GPHN: variants seen among roughly 807,000 people sequenced by gnomAD.
GPHN encodes the protein gephyrin.
A neutral mutation model predicts 95.5 loss-of-function variants in GPHN; 17 were observed. That is an observed-to-expected ratio of 0.18 (90% CI 0.12 to 0.27). The LOEUF is 0.27. Ranked by LOEUF, GPHN falls within the 10% of genes least tolerant of loss-of-function variation. The probability of loss-of-function intolerance (pLI) is 1.00; values close to 1 mark genes in which losing one functional copy is unlikely to be tolerated. For synonymous variants in GPHN, 320 were observed against 322.5 expected, an observed-to-expected ratio of 0.99 and a Z score of 0.08; for missense variants, 660 against 978.1, an observed-to-expected ratio of 0.67 and a Z score of 4.34.
At chr14:67,532,617 C>T in the GPHN span, among the ~76,000 whole-genome samples, 1 of 152,286 alleles carries the variant, frequency 6.6e-6, no homozygotes, top group African/African-American at 2.4e-5. Flanking sequence ...GGCCTGGAGG[C>T]CCAGGCGGGA....
At chr14:67,725,069 C>T in the GPHN span, 10 of 1,613,604 alleles carry the variant, frequency 6.2e-6, no homozygotes, top group Admixed American at 1.2e-4. Flanking sequence ...AGGATATGAA[C>T]ATACTGCTCT....
chr14:66,929,484 C>G (rs1381539302), intron 8 of GPHN, among the ~76,000 whole-genome samples: 1 of 152,094 alleles, frequency 6.6e-6, no homozygotes, highest in African/African-American at 2.4e-5. Context: ...TTTTATATGT[C>G]TGGATGCTCT....
At chr14:67,621,423 C>T in the GPHN span, among the ~76,000 whole-genome samples, 4 of 151,870 alleles carry the variant, frequency 2.6e-5, no homozygotes, top group Non-Finnish European at 4.4e-5. Flanking sequence ...TTATATAGAA[C>T]TAATAGGCTT....
the GPHN span, among the ~76,000 whole-genome samples, chr14:67,466,636 C>T: frequency 3.3e-5 from 5 of 152,188 alleles, no homozygotes; most frequent in Non-Finnish European, 4.4e-5. Flanking sequence ...TTCCTTTGTT[C>T]GGCACTGTAC....
At chr14:67,340,832 C>G in the GPHN span, among the ~76,000 whole-genome samples, 1 of 152,226 alleles carries the variant, frequency 6.6e-6, no homozygotes, top group East Asian at 1.9e-4. Flanking sequence ...TGCCGCCACG[C>G]CTGACTGGTT....
At chr14:66,738,484 A>T (rs980516006) in intron 2 of GPHN, among the ~76,000 whole-genome samples, 1 of 152,202 alleles carries the variant, frequency 6.6e-6, no homozygotes, top group African/African-American at 2.4e-5. Context: ...TGAAAAATGG[A>T]AATACTTTAA....
intron 4 of GPHN, among the ~76,000 whole-genome samples, chr14:66,844,462 A>G (rs988208683): frequency 6.6e-6 from 1 of 152,120 alleles, no homozygotes; most frequent in South Asian, 2.1e-4. Flanking sequence ...GTATGTGTGC[A>G]TGCATATGTG....
rs1379719209 is a variant in GPHN, at chr14:67,089,037, C to T, written c.1199C>T (p.Pro400Leu). ...QDVYAKDNLP[P>L]FPASVKDGYA... ...GTATATGCAAAAGACAATTTACCCC[C>T]CTTCCCAGCATCAGTAAAAGATGGC... Residue 400 changes from proline to leucine, a missense_variant, in exon 12 of 23, where the codon CCC (proline) becomes CTC (leucine). Transcript: ENST00000478722. 2 of 1,604,546 alleles carry T rather than the reference C, an allele frequency of 1.2e-6. No homozygotes were observed. Among genetic ancestry groups the T allele is most frequent in the Non-Finnish European group, 8.5e-7 (1 of 1,171,392 alleles).
intron 1 of GPHN, among the ~76,000 whole-genome samples, chr14:66,545,953 TGACGC>T (rs1375171589): frequency 2.8e-5 from 4 of 143,950 alleles, no homozygotes; most frequent in Non-Finnish European, 6.1e-5. Flanking sequence ...TGCCGGGCGG[TGACGC>T]TCCTCACTTC....
intron 12 of GPHN, 66 bp downstream of exon 12, chr14:67,089,141 T>A (rs1326233270): frequency 2.5e-6 from 1 of 393,248 alleles, no homozygotes; most frequent in Non-Finnish European, 3.9e-6. Context: ...TTCTTTTTTT[T>A]TTTTTTTTTT....
chr14:67,217,123 AC>A, the GPHN span, among the ~76,000 whole-genome samples: 1 of 151,622 alleles, frequency 6.6e-6, no homozygotes. Context: ...TTATATCTTC[AC>A]GTTAAATTGA....
the GPHN span, among the ~76,000 whole-genome samples, chr14:67,673,138 TTAGAGA>T: frequency 6.6e-6 from 1 of 152,114 alleles, no homozygotes; most frequent in Non-Finnish European, 1.5e-5. Flanking sequence ...AGGTCAGGAG[TTAGAGA>T]TCAGCCTGGC....
At chr14:66,713,908 A>G (rs762728178) in intron 2 of GPHN, among the ~76,000 whole-genome samples, 2 of 152,112 alleles carry the variant, frequency 1.3e-5, no homozygotes, top group Non-Finnish European at 2.9e-5. Context: ...AGCTGGTACT[A>G]CAGGCATGTG....
At chr14:67,543,583 A>G in the GPHN span, among the ~76,000 whole-genome samples, 16 of 152,276 alleles carry the variant, frequency 1.1e-4, no homozygotes, top group Non-Finnish European at 2.2e-4. Flanking sequence ...GGGGGTTGCT[A>G]ATAATCTGCA....
chr14:67,405,750 C>T, the GPHN span, among the ~76,000 whole-genome samples: 1 of 152,166 alleles, frequency 6.6e-6, no homozygotes, highest in Non-Finnish European at 1.5e-5. Flanking sequence ...AGCTAGCTGC[C>T]ATATCCTAAG....
At chr14:67,278,002 T>G in the GPHN span, among the ~76,000 whole-genome samples, 1 of 152,130 alleles carries the variant, frequency 6.6e-6, no homozygotes, top group African/African-American at 2.4e-5. Context: ...TTTCTCTAAA[T>G]GAATCCTTGT....
the GPHN span, among the ~76,000 whole-genome samples, chr14:67,391,271 ATGTGTGTGTGTGTGTGTGTGTGTG>A: frequency 7.0e-6 from 1 of 143,800 alleles, no homozygotes; most frequent in Non-Finnish European, 1.5e-5. Flanking sequence ...AGCAGCTGAT[ATGTGTGTGTGTGTGTGTGTGTGTG>A]TGTGTGTGTG....
At chr14:67,397,956 A>T in the GPHN span, 1 of 681,638 alleles carries the variant, frequency 1.5e-6, no homozygotes, top group Non-Finnish European at 2.4e-6. Flanking sequence ...AGACAGCAGG[A>T]TTTGTGTCTG....
At chr14:67,711,060 AT>A in the GPHN span, among the ~76,000 whole-genome samples, 4 of 152,208 alleles carry the variant, frequency 2.6e-5, no homozygotes, top group African/African-American at 9.6e-5. Flanking sequence ...GGCCAAACAA[AT>A]TTTGAGAGGA....
Sources: allele counts gnomAD v4.1 joint callset (sites outside exome capture counted in the v4.1 genomes callset), GRCh38; gene constraint gnomAD v4.1.1; transcripts MANE v1.5; gene names NCBI Gene and HGNC (gene_info 2026-07-23, HGNC 2026-07-21).